Variants in ZC3H12C observed in about 807,000 individuals in gnomAD.
ZC3H12C encodes probable ribonuclease ZC3H12C.
Under a neutral mutation model 76.3 loss-of-function variants are expected in ZC3H12C, and 20 were observed. The observed-to-expected ratio is 0.26, with a 90% CI of 0.18 to 0.38. The LOEUF is 0.38. Among genes scored for constraint, ZC3H12C ranks in the 10% least tolerant of loss-of-function variants. The probability of loss-of-function intolerance (pLI) is 1.00; values close to 1 mark genes in which losing one functional copy is unlikely to be tolerated. For synonymous variants in ZC3H12C, 352 were observed against 399.6 expected (o/e 0.88, Z 1.42); for missense variants, 874 against 1,086.5 (o/e 0.80, Z 2.75).
intron 1 of ZC3H12C, among the ~76,000 whole-genome samples, chr11:110,103,960 T>G (rs1472603326): frequency 6.6e-6 from 1 of 152,014 alleles, no homozygotes; most frequent in Non-Finnish European, 1.5e-5. Flanking sequence ...ATGCTTTTTG[T>G]TTGCTTTAGA....
In ZC3H12C at chr11:110,137,545, G is replaced by C. The variant is rs952725912; in HGVS notation, c.773+131G>C. ...TTTCTGTATCCTGATGTTAACATTAGAAAACATTAGTTTTCCGTCTCTCTT... is the reference window on the plus strand; with the variant it reads ...TTTCTGTATCCTGATGTTAACATTACAAAACATTAGTTTTCCGTCTCTCTT... On this transcript the variant is annotated intron_variant, in intron 2 of 5. Transcript: ENST00000278590. The C allele has an allele frequency of 7.0e-6, 8 of 1,137,090 alleles. No individual in the cohort carries two copies. In the South Asian group the frequency reaches 1.4e-4, roughly 20 times the overall value. The allele number at this position is 1,137,090 out of a possible 1,614,324, so 70.4% of individuals were successfully genotyped here.
chr11:110,164,139 C>T lies in ZC3H12C; in HGVS notation c.1256-202C>T, dbSNP rs751840174. On this transcript the variant is annotated intron_variant, in intron 5 of 5. Transcript: ENST00000278590. The surrounding 1 kb of genome is among the most constrained non-coding windows in gnomAD (Gnocchi z 5.7). ...GTTCTGGAGGTGATTATTACTCATT[C>T]GGCCAACTTCCTCCTGTTCTTGATA... Among the ~76,000 whole-genome samples the T allele has an allele frequency of 2.0e-5, 3 of 151,568 alleles. No homozygotes were observed. The highest frequency in any genetic ancestry group is 2.9e-5 in the Non-Finnish European group (2 of 67,942).
chr11:110,110,436 G>A (rs1555016804), intron 1 of ZC3H12C, among the ~76,000 whole-genome samples: 1 of 151,990 alleles, frequency 6.6e-6, no homozygotes, highest in Non-Finnish European at 1.5e-5. Flanking sequence ...CAGTTTAATA[G>A]TATTTCCAGG....
At chr11:110,095,429 ATTCT>A (rs1861095944) in intron 1 of ZC3H12C, among the ~76,000 whole-genome samples, 1 of 152,220 alleles carries the variant, frequency 6.6e-6, no homozygotes, top group South Asian at 2.1e-4. Flanking sequence ...TAAATTTAGA[ATTCT>A]TTAATTCTGA....
intron 1 of ZC3H12C, among the ~76,000 whole-genome samples, chr11:110,106,607 T>G (rs1475213712): frequency 2.6e-5 from 4 of 152,358 alleles, no homozygotes; most frequent in African/African-American, 7.2e-5. Flanking sequence ...GTAGAGATTA[T>G]TTGATGGTAT....
In ZC3H12C at chr11:110,101,735, A is replaced by G. The variant is rs372141230; in HGVS notation, c.21+8303A>G. The stretch of plus-strand genomic sequence containing the variant: ...GCTAATTTTTGTATTTTTTTAGTAG[A>G]GACGGGGTTTCACCATATTGGCCAG... On this transcript the variant is annotated intron_variant, in intron 1 of 5. Coordinates refer to ENST00000278590, the MANE Select transcript of ZC3H12C (RefSeq NM_033390.2). 7.2e-5 allele frequency among the ~76,000 whole-genome samples: 11 copies of G among 152,044 alleles called. No individual in the cohort carries two copies. In the East Asian group the frequency reaches 1.9e-3, roughly 27 times the overall value.
At chr11:110,106,675 TCTC>T (rs1463447344) in intron 1 of ZC3H12C, among the ~76,000 whole-genome samples, 1 of 152,196 alleles carries the variant, frequency 6.6e-6, no homozygotes, top group South Asian at 2.1e-4. Flanking sequence ...TGAATGTGAT[TCTC>T]CTCATCATAT....
chr11:110,161,135 C>T (rs147495127), intron 4 of ZC3H12C, among the ~76,000 whole-genome samples: 134 of 152,300 alleles, frequency 8.8e-4, no homozygotes, highest in African/African-American at 2.6e-3. Flanking sequence ...TGAGCCATCA[C>T]GCACAGCCAG....
Position 110,137,011 on chromosome 11 carries a change from C to A in ZC3H12C, c.370C>A (p.Pro124Thr), listed in dbSNP as rs761830979. The A allele has an allele frequency of 6.2e-7, 1 of 1,613,820 alleles. No individual in the cohort carries two copies. Among genetic ancestry groups the A allele is most frequent in the Non-Finnish European group, 8.5e-7 (1 of 1,179,866 alleles). The change falls in exon 2 of 6, where the codon CCC becomes ACC. Residue 124 changes from proline to threonine, a missense_variant. Around this residue, in one of 3 missense-constraint regions of ZC3H12C, gnomAD observed 210 missense variants for 227.1 expected, o/e 0.92. Coordinates refer to ENST00000278590, the MANE Select transcript of ZC3H12C (RefSeq NM_033390.2). The part of the protein sequence containing the change: ...TKTHRQLCRS[P>T]CLEPHILKRN... The stretch of plus-strand genomic sequence containing the variant: ...GACTCACAGACAGCTCTGCAGGTCT[C>A]CCTGTTTAGAGCCTCACATACTCAA...
intron 1 of ZC3H12C, among the ~76,000 whole-genome samples, chr11:110,103,858 C>T (rs1287120970): frequency 6.6e-6 from 1 of 152,170 alleles, no homozygotes; most frequent in Admixed American, 6.5e-5. Flanking sequence ...CCGCCTTGGC[C>T]TCCCAAAGTG....
chr11:110,159,456 G>A lies in ZC3H12C; in HGVS notation c.1114G>A (p.Glu372Lys). The A allele has an allele frequency of 6.2e-7, 1 of 1,612,508 alleles. No individual in the cohort carries two copies. Among genetic ancestry groups the A allele is most frequent in the Non-Finnish European group, 8.5e-7 (1 of 1,179,240 alleles). ...GCCAGAATGGAAGAAGTTCATAGATGAACGATTATTAATGTATTCATTTGT... is the reference window on the plus strand; with the variant it reads ...GCCAGAATGGAAGAAGTTCATAGATAAACGATTATTAATGTATTCATTTGT... The part of the protein sequence containing the change: ...EKPEWKKFID[E>K]RLLMYSFVND... Residue 372 changes from glutamate (E) to lysine (K), a missense_variant, in exon 4 of 6, where the codon GAA becomes AAA. Physicochemically the swap from Glu to Lys is moderately conservative, Grantham distance 56. Around this residue, in one of 3 missense-constraint regions of ZC3H12C, gnomAD observed 269 missense variants for 424.9 expected, o/e 0.63. Coordinates refer to ENST00000278590, the MANE Select transcript of ZC3H12C (RefSeq NM_033390.2).
At chr11:110,163,943 C>CA (rs1227880362) in intron 5 of ZC3H12C, among the ~76,000 whole-genome samples, 16 of 152,006 alleles carry the variant, frequency 1.1e-4, no homozygotes, top group African/African-American at 7.2e-5. Flanking sequence ...ACTTAAAATA[C>CA]AAAAAAATTC....
chr11:110,117,885 TATTATATATATAC>T (rs1565252360), intron 1 of ZC3H12C, among the ~76,000 whole-genome samples: 1 of 85,970 alleles, frequency 1.2e-5, no homozygotes, highest in South Asian at 3.3e-4. Context: ...CACATATATA[TATTATATATATAC>T]ACACACACAT....
intron 2 of ZC3H12C, among the ~76,000 whole-genome samples, chr11:110,145,535 C>T (rs1325254055): frequency 6.7e-6 from 1 of 150,104 alleles, no homozygotes; most frequent in African/African-American, 2.5e-5. Flanking sequence ...CTTTTCAGAG[C>T]TTGGTCTACA....
At chr11:110,102,912 G>T (rs2134145579) in intron 1 of ZC3H12C, among the ~76,000 whole-genome samples, 1 of 152,266 alleles carries the variant, frequency 6.6e-6, no homozygotes, top group East Asian at 1.9e-4. Flanking sequence ...GCAATAAACT[G>T]ATTTTAATTA....
At chr11:110,095,200 TG>T (rs1357135491) in intron 1 of ZC3H12C, among the ~76,000 whole-genome samples, 10 of 152,346 alleles carry the variant, frequency 6.6e-5, no homozygotes, top group African/African-American at 2.2e-4. Flanking sequence ...TTTTATATTA[TG>T]GGCTTCTCTG....
intron 2 of ZC3H12C, among the ~76,000 whole-genome samples, chr11:110,146,438 G>T (rs1862172561): frequency 3.3e-5 from 5 of 152,214 alleles, no homozygotes; most frequent in Non-Finnish European, 5.9e-5. Context: ...CCAGCACTGA[G>T]GCTCTCCCAT....
At chr11:110,130,186 C>T (rs1861835104) in intron 1 of ZC3H12C, among the ~76,000 whole-genome samples, 1 of 152,142 alleles carries the variant, frequency 6.6e-6, no homozygotes, top group Non-Finnish European at 1.5e-5. Context: ...TATTGGCATA[C>T]ATAGGATAGG....
At chr11:110,159,218 A>G (rs1225260733) in intron 3 of ZC3H12C, 38 bp from the exon 4 acceptor site, 2 of 1,517,876 alleles carry the variant, frequency 1.3e-6, no homozygotes, top group Non-Finnish European at 1.8e-6. Context: ...TTATCTATGT[A>G]TTTACTTTCT....
Sources: allele counts gnomAD v4.1 joint callset (sites outside exome capture counted in the v4.1 genomes callset), GRCh38; gene constraint gnomAD v4.1.1; regional missense constraint gnomAD v4.1.1; non-coding constraint Gnocchi (gnomAD v3.1); transcripts MANE v1.5; gene names NCBI Gene and HGNC (gene_info 2026-07-23, HGNC 2026-07-21).